The following ERLIN1 variants were observed in gnomAD, a reference collection of about 807,000 sequenced individuals.
ERLIN1 encodes ER lipid raft associated 1, also known as erlin-1.
ERLIN1 carries 24 observed loss-of-function variants against 46.9 expected under a neutral mutation model. The ratio of observed to expected loss-of-function variants is 0.51; its 90% confidence interval spans 0.37 to 0.72. ERLIN1 has a LOEUF of 0.72. Ranked by LOEUF, ERLIN1 falls within the 30% of genes least tolerant of loss-of-function variation. The probability of loss-of-function intolerance (pLI) is 0.00; values close to 1 mark genes in which losing one functional copy is unlikely to be tolerated. For missense variants in ERLIN1, 293 were observed against 417.9 expected, an observed-to-expected ratio of 0.70 and a Z score of 2.61; for synonymous variants, 158 against 143.2, an observed-to-expected ratio of 1.10 and a Z score of -0.74.
In ERLIN1 at chr10:100,150,998, G is replaced by T. The variant is rs781487044; in HGVS notation, c.*1133C>A. The T allele has an allele frequency of 2.6e-5, 4 of 152,398 alleles. No individual in the cohort carries two copies. The highest frequency in any genetic ancestry group is 2.6e-4 in the Admixed American group (4 of 15,270). 9.4% of individuals were successfully genotyped at this position (152,398 alleles called of 1,614,324 possible). A position where few individuals can be genotyped will look rare whatever the true frequency, so the allele number is the denominator to read the frequency against. On this transcript the variant is annotated 3_prime_UTR_variant, in exon 11 of 11. Transcript: ENST00000421367. ...AAGCATCTCTGGGCCAGGTGGGAAG[G>T]AGACAATGATGACCAAGGATGCTTT... is the stretch of plus-strand genomic sequence containing the variant.
chr10:100,185,926 C>A lies in ERLIN1; in HGVS notation c.-300G>T. 1 of 455,284 alleles carries A rather than the reference C, an allele frequency of 2.2e-6. No homozygotes were observed. The highest frequency in any genetic ancestry group is 2.0e-5 in the African/African-American group (1 of 49,740). 28.2% of individuals were successfully genotyped at this position (455,284 alleles called of 1,614,324 possible). ...AACTGAGAAGAAGCCCAGCCGCAGG[C>A]TCGCGAGGAAAGCCGACCCCTCGGC... On this transcript the variant is annotated 5_prime_UTR_variant, in exon 1 of 11. Coordinates refer to ENST00000421367, the MANE Select transcript of ERLIN1 (RefSeq NM_006459.4).
At chr10:100,182,784 G>A (rs1267010751) in intron 2 of ERLIN1, among the ~76,000 whole-genome samples, 1 of 152,190 alleles carries the variant, frequency 6.6e-6, no homozygotes, top group African/African-American at 2.4e-5. Context: ...AGCCTGGCAA[G>A]ATTTAGACAG....
At chr10:100,157,444 A>G (rs1443626586) in intron 8 of ERLIN1, among the ~76,000 whole-genome samples, 8 of 152,234 alleles carry the variant, frequency 5.3e-5, no homozygotes, top group African/African-American at 1.2e-4. Context: ...TACACTTTAC[A>G]TTCAATCACT....
intron 10 of ERLIN1, 124 bp from the exon 11 acceptor site, chr10:100,152,476 A>G: frequency 1.5e-6 from 1 of 675,264 alleles, no homozygotes. Flanking sequence ...ATAACTGCCA[A>G]TGACCCTCTC....
intron 8 of ERLIN1, among the ~76,000 whole-genome samples, chr10:100,163,685 C>T (rs149556990): frequency 6.6e-6 from 1 of 152,214 alleles, no homozygotes; most frequent in Admixed American, 6.5e-5. Context: ...GGTCAAAAAA[C>T]TTCCCTATTC....
chr10:100,156,509 G>A (rs1589513720), intron 8 of ERLIN1, among the ~76,000 whole-genome samples: 2 of 152,106 alleles, frequency 1.3e-5, no homozygotes, highest in South Asian at 2.1e-4. Flanking sequence ...CTGTAGCAAC[G>A]GTCCACAAGC....
chr10:100,176,487 C>G (rs1029860560), intron 4 of ERLIN1, among the ~76,000 whole-genome samples: 1 of 151,930 alleles, frequency 6.6e-6, no homozygotes, highest in East Asian at 1.9e-4. Flanking sequence ...AAAAGTTTAG[C>G]TAAGAGGTAA....
At chr10:100,171,052 A>G (rs1256241613) in intron 6 of ERLIN1, among the ~76,000 whole-genome samples, 1 of 152,240 alleles carries the variant, frequency 6.6e-6, no homozygotes, top group Non-Finnish European at 1.5e-5. Context: ...AATGGGTTGC[A>G]GATGAATTAA....
intron 4 of ERLIN1, among the ~76,000 whole-genome samples, chr10:100,177,409 G>A (rs1264618305): frequency 1.2e-4 from 18 of 152,086 alleles, no homozygotes; most frequent in Non-Finnish European, 1.5e-5. Context: ...TTCACTATTT[G>A]TGCCTGTACC....
At position 100,150,817 on chromosome 10, in the gene ERLIN1, C is replaced by T. The variant is rs1326936600; in HGVS notation, c.*1314G>A. ...AGCACACTGCTCCAGAAAAGTTAAA[C>T]TGAAGGAAAAAAAGGGTCCACATGA... is the stretch of plus-strand genomic sequence containing the variant. On this transcript the variant is annotated 3_prime_UTR_variant, in exon 11 of 11. Transcript: ENST00000421367. 1 of 152,138 alleles carries T rather than the reference C, an allele frequency of 6.6e-6. No individual in the cohort carries two copies. The highest frequency in any genetic ancestry group is 1.5e-5 in the Non-Finnish European group (1 of 68,006). 9.4% of individuals were successfully genotyped at this position (152,138 alleles called of 1,614,324 possible).
At position 100,151,778 on chromosome 10, in the gene ERLIN1, G is replaced by A. The variant is rs991391935; in HGVS notation, c.*353C>T. On this transcript the variant is annotated 3_prime_UTR_variant, in exon 11 of 11. Coordinates refer to ENST00000421367, the MANE Select transcript of ERLIN1 (RefSeq NM_006459.4). ...CTGAGCATACATTTCCCCGGGGGAC[G>A]AATGTAAACATTATTCAACAGATCT... The A allele has an allele frequency of 1.5e-5, 5 of 331,698 alleles. No homozygotes were observed. The highest frequency in any genetic ancestry group is 1.3e-4 in the South Asian group (5 of 38,200). The allele number at this position is 331,698 out of a possible 1,614,324, so 20.5% of individuals were successfully genotyped here. A position where few individuals can be genotyped will look rare whatever the true frequency, so the allele number is the denominator to read the frequency against.
At chr10:100,167,698 T>C (rs1843722682) in intron 6 of ERLIN1, among the ~76,000 whole-genome samples, 1 of 152,226 alleles carries the variant, frequency 6.6e-6, no homozygotes, top group Non-Finnish European at 1.5e-5. Flanking sequence ...TTAAAAGATG[T>C]TTTACAAAGG....
chr10:100,176,126 CA>C, intron 4 of ERLIN1, 56 bp from the exon 5 acceptor site: 1 of 1,508,802 alleles, frequency 6.6e-7, no homozygotes. Context: ...CAGGTACCTT[CA>C]AATTCAGCCA....
chr10:100,180,383 TACAAA>T (rs566418489), intron 2 of ERLIN1, among the ~76,000 whole-genome samples: 4 of 151,982 alleles, frequency 2.6e-5, no homozygotes, highest in South Asian at 2.1e-4. Flanking sequence ...CATCAACAGG[TACAAA>T]ACAAAACAAA....
chr10:100,155,319 A>G (rs2134101907), intron 9 of ERLIN1, among the ~76,000 whole-genome samples: 1 of 152,096 alleles, frequency 6.6e-6, no homozygotes, highest in Non-Finnish European at 1.5e-5. Context: ...ATCCAGAATC[A>G]GTCAACAGAG....
intron 10 of ERLIN1, among the ~76,000 whole-genome samples, chr10:100,154,181 C>G (rs1315028104): frequency 1.3e-5 from 2 of 152,196 alleles, no homozygotes; most frequent in African/African-American, 4.8e-5. Context: ...TCTTAAATAG[C>G]CCCTGCTCAC....
intron 4 of ERLIN1, 64 bp from the exon 5 acceptor site, chr10:100,176,134 G>A (rs1844286090): frequency 1.4e-6 from 2 of 1,481,180 alleles, no homozygotes; most frequent in Admixed American, 4.0e-5. Context: ...TTCAAATTCA[G>A]CCAGGGTAAA....
rs1842731134 is a variant in ERLIN1 at position 100,150,174 on chromosome 10, G to GTAT, written c.*1956_*1957insATA. The GTAT allele has an allele frequency of 6.6e-6, 1 of 152,160 alleles. No individual in the cohort carries two copies. The highest frequency in any genetic ancestry group is 6.5e-5 in the Admixed American group (1 of 15,276). 9.4% of individuals were successfully genotyped at this position (152,160 alleles called of 1,614,324 possible). A position where few individuals can be genotyped will look rare whatever the true frequency, so the allele number is the denominator to read the frequency against. On this transcript the variant is annotated 3_prime_UTR_variant, in exon 11 of 11. Coordinates refer to ENST00000421367, the MANE Select transcript of ERLIN1 (RefSeq NM_006459.4). Reference sequence around the variant, plus strand: ...ATATAAATTTAGACTCAAGATTACAGTGTATATTTGCCAAAAGGAACACCC... The same window carrying GTAT: ...ATATAAATTTAGACTCAAGATTACAGTATTGTATATTTGCCAAAAGGAACACCC...
At chr10:100,181,513 C>CTTTTTT (rs34628060) in intron 2 of ERLIN1, among the ~76,000 whole-genome samples, 27 of 126,976 alleles carry the variant, frequency 2.1e-4, no homozygotes, top group African/African-American at 7.9e-4. Flanking sequence ...TAAGAACACT[C>CTTTTTT]TTTTTTTTTT....
Sources: gnomAD v4.1 joint callset for allele counts (sites outside exome capture counted in the v4.1 genomes callset) on GRCh38, gnomAD v4.1.1 for gene constraint, MANE v1.5 for transcripts, NCBI Gene and HGNC (gene_info 2026-07-23, HGNC 2026-07-21) for gene names.